Variants in UEVLD observed in about 807,000 individuals in gnomAD.
UEVLD encodes the protein ubiquitin-conjugating enzyme E2 variant 3.
UEVLD carries 47 observed loss-of-function variants against 58.6 expected under a neutral mutation model. The observed-to-expected ratio is 0.80, with a 90% CI of 0.63 to 1.02. The LOEUF (loss-of-function observed/expected upper bound fraction) is 1.02. Among genes scored for constraint, UEVLD ranks in the 50% least tolerant of loss-of-function variants. The pLI, the probability that UEVLD is intolerant of heterozygous loss-of-function variation, is 0.00. For synonymous variants in UEVLD, 197 were observed against 195.3 expected, an observed-to-expected ratio of 1.01 and a Z score of -0.07; for missense variants, 510 against 550.6, an observed-to-expected ratio of 0.93 and a Z score of 0.74.
Position 18,575,419 on chromosome 11 carries a change from G to GAAAAAAAAAAAAA in UEVLD, c.128-8_128-7insTTTTTTTTTTTTT. On this transcript the variant is annotated splice_polypyrimidine_tract_variant and splice_region_variant and intron_variant, in intron 2 of 11. Transcript: ENST00000396197. ...TGAGAACTATCTTTAAAAACTAGAAGAAAAAAAAAAAAGCCCCAAAATGTG... is the reference window on the plus strand; with the variant it reads ...TGAGAACTATCTTTAAAAACTAGAAGAAAAAAAAAAAAAAAAAAAAAAAAAGCCCCAAAATGTG... 8.0e-7 allele frequency: 1 copy of GAAAAAAAAAAAAA among 1,242,696 alleles called. No homozygotes were observed. The highest frequency in any genetic ancestry group is 1.1e-6 in the Non-Finnish European group (1 of 915,640). The allele number at this position is 1,242,696 out of a possible 1,614,324, so 77.0% of individuals were successfully genotyped here.
At chr11:18,537,418 G>A (rs1299814557) in intron 9 of UEVLD, among the ~76,000 whole-genome samples, 2 of 147,596 alleles carry the variant, frequency 1.4e-5, no homozygotes, top group African/African-American at 2.5e-5. Flanking sequence ...TGCAACCTCC[G>A]CCTCCCGGTT....
At chr11:18,536,934 C>T (rs1374125237) in intron 9 of UEVLD, among the ~76,000 whole-genome samples, 6 of 137,320 alleles carry the variant, frequency 4.4e-5, no homozygotes, top group African/African-American at 5.4e-5. Context: ...CTTGCTCTGT[C>T]GCCCAGGCTG....
intron 7 of UEVLD, among the ~76,000 whole-genome samples, chr11:18,547,841 T>C (rs921981991): frequency 2.0e-5 from 3 of 152,102 alleles, no homozygotes; most frequent in African/African-American, 7.2e-5. Flanking sequence ...AGCAGAATAG[T>C]GGTGCTTTTT....
At chr11:18,534,521 T>C in intron 10 of UEVLD, 68 bp from the exon 11 acceptor site, 2 of 1,485,106 alleles carry the variant, frequency 1.3e-6, no homozygotes, top group Non-Finnish European at 1.8e-6. Flanking sequence ...ACATTCTGGC[T>C]AAGGTATTAA....
intron 4 of UEVLD, among the ~76,000 whole-genome samples, chr11:18,569,103 C>A (rs1399384813): frequency 6.6e-6 from 1 of 152,104 alleles, no homozygotes; most frequent in African/African-American, 2.4e-5. Flanking sequence ...ACTGCGTTAG[C>A]CAAGATGGTC....
chr11:18,563,652 T>C (rs1365784815), intron 6 of UEVLD: 1 of 978,000 alleles, frequency 1.0e-6, no homozygotes, highest in Non-Finnish European at 1.2e-6. Context: ...CAACTTGAAA[T>C]GTTTATAGAA....
At chr11:18,562,841 G>GTT (rs1258652209) in intron 6 of UEVLD, among the ~76,000 whole-genome samples, 2 of 151,862 alleles carry the variant, frequency 1.3e-5, no homozygotes, top group Non-Finnish European at 2.9e-5. Context: ...TGAACCAGGA[G>GTT]TTCAAGACCA....
At chr11:18,541,612 C>A (rs1223180448) in intron 9 of UEVLD, among the ~76,000 whole-genome samples, 1 of 152,066 alleles carries the variant, frequency 6.6e-6, no homozygotes, top group South Asian at 2.1e-4. Flanking sequence ...AGCAGGACAA[C>A]AAAAGTAACA....
Position 18,583,281 on chromosome 11 carries a change from C to T in UEVLD, c.43-4473G>A, listed in dbSNP as rs995131470. On this transcript the variant is annotated intron_variant, in intron 1 of 11. Coordinates refer to ENST00000396197, the MANE Select transcript of UEVLD (RefSeq NM_001040697.4). The stretch of plus-strand genomic sequence containing the variant: ...TGTTGCCCAGGCTGGAGTGCAGTGG[C>T]GCTATCTTGGCTCACTGCAACCTCC... Among the ~76,000 whole-genome samples, 9 of 148,122 alleles carry T rather than the reference C, an allele frequency of 6.1e-5. No homozygotes were observed. In the South Asian group the frequency reaches 6.4e-4, roughly 11 times the overall value.
intron 2 of UEVLD, among the ~76,000 whole-genome samples, chr11:18,575,840 T>C (rs2134052649): frequency 6.9e-6 from 1 of 145,306 alleles, no homozygotes; most frequent in East Asian, 2.4e-4. Context: ...ATTAAATAAT[T>C]GTCAATGTCA....
At chr11:18,588,100 G>C (rs931340025) in intron 1 of UEVLD, among the ~76,000 whole-genome samples, 1 of 152,118 alleles carries the variant, frequency 6.6e-6, no homozygotes, top group African/African-American at 2.4e-5. Context: ...GCTAGAGGAA[G>C]GGAATACAAA....
chr11:18,579,447 T>C (rs971960732), intron 1 of UEVLD: 11 of 985,286 alleles, frequency 1.1e-5, no homozygotes, highest in Non-Finnish European at 1.3e-5. Context: ...GCTTAAATGA[T>C]GAGGCAGAAT....
intron 6 of UEVLD, among the ~76,000 whole-genome samples, chr11:18,560,138 C>CACGCACACACACACACACACACAG (rs368897951): frequency 2.7e-5 from 2 of 74,816 alleles, no homozygotes; most frequent in Admixed American, 3.1e-4. Flanking sequence ...CACACACACA[C>CACGCACACACACACACACACACAG]AGAGAGAGAA....
In UEVLD at chr11:18,546,933, G is replaced by A. The variant is rs1440531715; in HGVS notation, c.833C>T (p.Pro278Leu). The change falls in exon 8 of 12, where the codon CCA (proline) becomes CTA (leucine). Residue 278 changes from proline (P) to leucine (L), a missense_variant. Transcript: ENST00000396197. Reference sequence around the variant, plus strand: ...GTGTTGACTATAATGTCCCAGAGCTGGGACAAGGGCTCTGAACATATCCAC... The same window carrying A: ...GTGTTGACTATAATGTCCCAGAGCTAGGACAAGGGCTCTGAACATATCCAC... ...SNVDMFRALV[P>L]ALGHYSQHSV... The A allele has an allele frequency of 6.2e-6, 10 of 1,614,012 alleles. No homozygotes were observed. The highest frequency in any genetic ancestry group is 8.5e-6 in the Non-Finnish European group (10 of 1,180,006).
intron 3 of UEVLD, 122 bp downstream of exon 3, chr11:18,575,225 G>T: frequency 1.9e-6 from 2 of 1,045,848 alleles, no homozygotes; most frequent in African/African-American, 1.6e-5. Flanking sequence ...ATCCAGTAAG[G>T]TTCTGTATAG....
At chr11:18,573,065 A>G (rs377147770) in intron 3 of UEVLD, among the ~76,000 whole-genome samples, 25 of 152,320 alleles carry the variant, frequency 1.6e-4, no homozygotes, top group African/African-American at 4.6e-4. Context: ...GAAAAGTGTA[A>G]TGCAGGAAAA....
At chr11:18,534,290 T>C (rs1850696771) in intron 11 of UEVLD, 40 bp downstream of exon 11, 1 of 1,387,734 alleles carries the variant, frequency 7.2e-7, no homozygotes, top group African/African-American at 1.5e-5. Flanking sequence ...TAATAATATC[T>C]AAGTTTAAAA....
At chr11:18,552,558 A>T (rs4417245) in intron 7 of UEVLD, among the ~76,000 whole-genome samples, 31,113 of 151,762 alleles carry the variant, frequency 0.21, 3,344 homozygotes, top group East Asian at 0.26. Context: ...AAATGAAAAT[A>T]AAAATTAAAA....
chr11:18,573,427 T>C (rs1852732751), intron 3 of UEVLD, among the ~76,000 whole-genome samples: 1 of 152,110 alleles, frequency 6.6e-6, no homozygotes, highest in South Asian at 2.1e-4. Context: ...CTTTTCAACG[T>C]CTAACCAAGA....
Sources: allele counts gnomAD v4.1 joint callset (sites outside exome capture counted in the v4.1 genomes callset), GRCh38; gene constraint gnomAD v4.1.1; transcripts MANE v1.5; gene names NCBI Gene and HGNC (gene_info 2026-07-23, HGNC 2026-07-21).